ROR1: variants seen among roughly 807,000 people sequenced by gnomAD.
The protein encoded by ROR1 is ROR family WNT receptor 1.
A neutral mutation model predicts 78.8 loss-of-function variants in ROR1; 19 were observed. That is an observed-to-expected ratio of 0.24 (90% CI 0.17 to 0.35). The LOEUF is 0.35. Among genes scored for constraint, ROR1 ranks in the 10% least tolerant of loss-of-function variants. ROR1 has a pLI of 1.00. For synonymous variants in ROR1, 386 were observed against 433.6 expected, an observed-to-expected ratio of 0.89 and a Z score of 1.36; for missense variants, 917 against 1,177.8, an observed-to-expected ratio of 0.78 and a Z score of 3.24.
intron 1 of ROR1, among the ~76,000 whole-genome samples, chr1:63,972,560 A>G (rs184943775): frequency 2.3e-4 from 35 of 152,322 alleles, no homozygotes; most frequent in African/African-American, 8.2e-4. Flanking sequence ...TTAAGCAAAC[A>G]TAGATATTTG....
chr1:63,819,101 G>A (rs149673810), intron 1 of ROR1, among the ~76,000 whole-genome samples: 2 of 152,226 alleles, frequency 1.3e-5, no homozygotes, highest in Middle Eastern at 3.4e-3. Context: ...CAGTTTCCAG[G>A]GGGTGGGGAG....
chr1:64,178,883 A>G lies in ROR1; in HGVS notation c.*28A>G, dbSNP rs1650472170. The G allele has an allele frequency of 4.6e-6, 7 of 1,528,590 alleles. No homozygotes were observed. The highest frequency in any genetic ancestry group is 6.3e-6 in the Non-Finnish European group (7 of 1,111,750). 94.7% of individuals were successfully genotyped at this position (1,528,590 alleles called of 1,614,324 possible). On this transcript the variant is annotated 3_prime_UTR_variant, in exon 9 of 9. Transcript: ENST00000371079. The surrounding 1 kb of genome is among the most constrained non-coding windows in gnomAD (Gnocchi z 4.3). ...TGCACAACTTTTGTAAATGTGGTAT[A>G]CAGGACAAACTAGACGGCCGTAGAA...
At chr1:63,912,081 G>A (rs1183516449) in intron 1 of ROR1, among the ~76,000 whole-genome samples, 1 of 145,270 alleles carries the variant, frequency 6.9e-6, no homozygotes, top group Non-Finnish European at 1.5e-5. Flanking sequence ...GAGCCCAGAA[G>A]TTTGAGACCA....
chr1:63,838,331 G>A (rs1047930305), intron 1 of ROR1, among the ~76,000 whole-genome samples: 1 of 151,904 alleles, frequency 6.6e-6, no homozygotes, highest in Admixed American at 6.6e-5. Flanking sequence ...TTCAGAAGAA[G>A]GCATTGTTAT....
rs79263203 is a variant in ROR1 at position 63,869,910 on chromosome 1, T to C, written c.91+95402T>C. On this transcript the variant is annotated intron_variant, in intron 1 of 8. Coordinates refer to ENST00000371079, the MANE Select transcript of ROR1 (RefSeq NM_005012.4). The stretch of plus-strand genomic sequence containing the variant: ...AGTATCCTAACTCTTATTTTCCAAA[T>C]GTTAATGCTTGACTGGCATGTTATA... 8.6e-3 allele frequency among the ~76,000 whole-genome samples: 1,307 copies of C among 152,344 alleles called. 18 individuals carry two copies. Among genetic ancestry groups the C allele is most frequent in the Non-Finnish European group, 0.015 (1,044 of 68,024 alleles).
intron 4 of ROR1, among the ~76,000 whole-genome samples, chr1:64,109,023 G>C (rs1193663611): frequency 6.6e-6 from 1 of 152,114 alleles, no homozygotes; most frequent in South Asian, 2.1e-4. Context: ...TCTAGAGCTT[G>C]GGCCAGGAAT....
At chr1:63,801,232 C>T (rs1644795430) in intron 1 of ROR1, among the ~76,000 whole-genome samples, 1 of 152,012 alleles carries the variant, frequency 6.6e-6, no homozygotes. Flanking sequence ...CTTGTTTTAA[C>T]CTGTTTTTGA....
intron 1 of ROR1, among the ~76,000 whole-genome samples, chr1:63,824,688 G>A (rs1346646833): frequency 6.6e-6 from 1 of 151,952 alleles, no homozygotes; most frequent in Non-Finnish European, 1.5e-5. Flanking sequence ...TTAATGACTG[G>A]CAATACATAA....
intron 1 of ROR1, among the ~76,000 whole-genome samples, chr1:63,853,253 C>G (rs1347488027): frequency 6.6e-6 from 1 of 152,134 alleles, no homozygotes; most frequent in Non-Finnish European, 1.5e-5. Flanking sequence ...TTTATATCAG[C>G]TAGTTCATTC....
At chr1:63,853,022 G>C (rs1276690808) in intron 1 of ROR1, among the ~76,000 whole-genome samples, 1 of 152,170 alleles carries the variant, frequency 6.6e-6, no homozygotes, top group Non-Finnish European at 1.5e-5. Context: ...TTTAAGGAGA[G>C]TTCTAAGACT....
chr1:63,797,618 T>A (rs1463720321), intron 1 of ROR1, among the ~76,000 whole-genome samples: 2 of 152,238 alleles, frequency 1.3e-5, no homozygotes, highest in Non-Finnish European at 2.9e-5. Flanking sequence ...AATTCAGCTC[T>A]ATTTGAACAA....
chr1:63,948,390 A>G (rs897580049), intron 1 of ROR1, among the ~76,000 whole-genome samples: 5 of 151,152 alleles, frequency 3.3e-5, no homozygotes, highest in Admixed American at 3.3e-4. Context: ...ATACTTAACT[A>G]TAAAGTTCAA....
rs201529186 is a variant in ROR1 at position 64,137,327 on chromosome 1, T to C, written c.483-42T>C. Reference sequence around the variant, plus strand: ...GTCAGAGCTTGCTGTGCCCTGTATGTATGTGGTGCATCAGCTAATGTCTGT... The same window carrying C: ...GTCAGAGCTTGCTGTGCCCTGTATGCATGTGGTGCATCAGCTAATGTCTGT... On this transcript the variant is annotated intron_variant, in intron 4 of 8. Transcript: ENST00000371079. The C allele has an allele frequency of 7.1e-5, 115 of 1,611,574 alleles. No individual in the cohort carries two copies. In the East Asian group the frequency reaches 2.3e-3, roughly 32 times the overall value.
intron 1 of ROR1, among the ~76,000 whole-genome samples, chr1:63,889,852 C>G (rs752119900): frequency 1.3e-5 from 2 of 151,968 alleles, no homozygotes; most frequent in Non-Finnish European, 2.9e-5. Flanking sequence ...TTTTTCTCTT[C>G]TAGAGTAAAT....
At chr1:64,097,543 T>C (rs1244486534) in intron 4 of ROR1, among the ~76,000 whole-genome samples, 4 of 145,996 alleles carry the variant, frequency 2.7e-5, no homozygotes, top group Non-Finnish European at 5.9e-5. Flanking sequence ...TATGCATTTT[T>C]GAAATACATA....
chr1:64,051,438 A>T, intron 4 of ROR1, among the ~76,000 whole-genome samples: 1 of 144,184 alleles, frequency 6.9e-6, no homozygotes, highest in Non-Finnish European at 1.5e-5. Flanking sequence ...CAGCAGAGTG[A>T]GACTCCGTCT....
At chr1:63,991,607 A>G (rs1223288197) in intron 1 of ROR1, among the ~76,000 whole-genome samples, 1 of 152,080 alleles carries the variant, frequency 6.6e-6, no homozygotes, top group African/African-American at 2.4e-5. Context: ...CTTCACCCAT[A>G]TGGGCCTGTT....
chr1:64,067,170 C>T (rs1646963070), intron 4 of ROR1, among the ~76,000 whole-genome samples: 1 of 151,500 alleles, frequency 6.6e-6, no homozygotes, highest in South Asian at 2.1e-4. Flanking sequence ...GGCAATGTGG[C>T]GAAACCTAGT....
At chr1:64,118,632 CAAAAA>C (rs3084938) in intron 4 of ROR1, among the ~76,000 whole-genome samples, 8 of 65,850 alleles carry the variant, frequency 1.2e-4, no homozygotes, top group East Asian at 1.5e-3. Context: ...GACTCCATCT[CAAAAA>C]AAAAAAAAAA....
Sources: gnomAD v4.1 joint callset for allele counts (sites outside exome capture counted in the v4.1 genomes callset) on GRCh38, gnomAD v4.1.1 for gene constraint, Gnocchi (gnomAD v3.1) non-coding constraint, MANE v1.5 for transcripts, NCBI Gene and HGNC (gene_info 2026-07-23, HGNC 2026-07-21) for gene names.